Variants in GRID1 observed in about 807,000 individuals in gnomAD.
GRID1 encodes glutamate ionotropic receptor delta type subunit 1, also known as glutamate receptor ionotropic, delta-1.
Under a neutral mutation model 98.0 loss-of-function variants are expected in GRID1, and 28 were observed. That is an observed-to-expected ratio of 0.29 (90% CI 0.21 to 0.39). The LOEUF is 0.39. GRID1 is among the 10% of genes least tolerant of loss of function. GRID1 has a pLI of 1.00. For missense variants in GRID1, 1,111 were observed against 1,340.5 expected (o/e 0.83, Z 2.67); for synonymous variants, 553 against 538.5 (o/e 1.03, Z -0.37).
In GRID1 at chr10:85,975,639, C is replaced by G. The variant is rs1334171387; in HGVS notation, c.727-59400G>C. On this transcript the variant is annotated intron_variant, in intron 4 of 15. Transcript: ENST00000327946. ...AGTGTCCAGTCTATAGTAAGCTACCCCAGAACCCAAACTTTTGGAGACTGA... is the reference window on the plus strand; with the variant it reads ...AGTGTCCAGTCTATAGTAAGCTACCGCAGAACCCAAACTTTTGGAGACTGA... Among the ~76,000 whole-genome samples the G allele has an allele frequency of 2.0e-5, 3 of 152,296 alleles. No individual in the cohort carries two copies. In the East Asian group the frequency reaches 5.8e-4, roughly 29 times the overall value.
intron 5 of GRID1, among the ~76,000 whole-genome samples, chr10:85,875,023 G>A (rs1022662690): frequency 5.9e-5 from 9 of 151,934 alleles, no homozygotes; most frequent in Admixed American, 1.3e-4. Context: ...ATGCCACTAC[G>A]CCTGGCTATT....
chr10:85,678,505 A>C (rs991927918), intron 12 of GRID1, among the ~76,000 whole-genome samples: 2 of 152,192 alleles, frequency 1.3e-5, no homozygotes, highest in African/African-American at 4.8e-5. Flanking sequence ...GATGAGGTCT[A>C]AAACTTGGCT....
chr10:86,061,112 G>A (rs566787191), intron 4 of GRID1, among the ~76,000 whole-genome samples: 9 of 152,210 alleles, frequency 5.9e-5, no homozygotes, highest in Non-Finnish European at 1.2e-4. Context: ...ACCTCCTGGG[G>A]GTACTCTACA....
At chr10:85,720,064 C>A (rs1055783914) in intron 12 of GRID1, among the ~76,000 whole-genome samples, 4 of 152,120 alleles carry the variant, frequency 2.6e-5, no homozygotes, top group Middle Eastern at 3.4e-3. Flanking sequence ...AATAAATAAA[C>A]TTAGCAAAAG....
chr10:85,776,884 G>A lies in GRID1; in HGVS notation c.1234-47270C>T, dbSNP rs546415999. 2.0e-5 allele frequency among the ~76,000 whole-genome samples: 3 copies of A among 152,314 alleles called. No homozygotes were observed. The East Asian group carries it at 5.8e-4, about 29-fold the overall frequency. On this transcript the variant is annotated intron_variant, in intron 8 of 15. Coordinates refer to ENST00000327946, the MANE Select transcript of GRID1 (RefSeq NM_017551.3). ...TAGTCCTTGTGTGGCTTGCTCACTA[G>A]CCAAGCTTTCTGGGGACACAGGGAG...
At chr10:86,134,531 T>C (rs884700) in intron 4 of GRID1, among the ~76,000 whole-genome samples, 46,976 of 151,938 alleles carry the variant, frequency 0.31, 8,870 homozygotes, top group African/African-American at 0.53. Context: ...TAACCTCTAA[T>C]ACCCTGAAAA....
chr10:85,956,574 T>A (rs1842196935), intron 4 of GRID1, among the ~76,000 whole-genome samples: 1 of 152,150 alleles, frequency 6.6e-6, no homozygotes, highest in Admixed American at 6.5e-5. Flanking sequence ...TTGGCCTGGT[T>A]TGGGCTCATG....
chr10:86,194,944 G>A (rs1031349535), intron 3 of GRID1, among the ~76,000 whole-genome samples: 1 of 151,992 alleles, frequency 6.6e-6, no homozygotes, highest in African/African-American at 2.4e-5. Context: ...CTCTCCTCCT[G>A]AGCCCCACCC....
intron 8 of GRID1, among the ~76,000 whole-genome samples, chr10:85,807,490 G>T (rs933369590): frequency 2.6e-5 from 4 of 152,048 alleles, no homozygotes; most frequent in Admixed American, 2.0e-4. Flanking sequence ...AAATCAAAAA[G>T]TTAGAAGTTT....
chr10:86,034,825 A>G (rs768886788), intron 4 of GRID1, among the ~76,000 whole-genome samples: 1 of 151,946 alleles, frequency 6.6e-6, no homozygotes, highest in Non-Finnish European at 1.5e-5. Flanking sequence ...GGATGGACCT[A>G]CTGATGAATG....
intron 3 of GRID1, among the ~76,000 whole-genome samples, chr10:86,149,511 A>G (rs1458455770): frequency 6.6e-6 from 1 of 150,966 alleles, no homozygotes; most frequent in Non-Finnish European, 1.5e-5. Context: ...TAATCCCACC[A>G]CATTCCAATT....
chr10:86,345,736 G>A (rs1023325716), intron 2 of GRID1, among the ~76,000 whole-genome samples: 1 of 152,110 alleles, frequency 6.6e-6, no homozygotes, highest in African/African-American at 2.4e-5. Flanking sequence ...CCCTCCAGTG[G>A]CCCACATCCT....
chr10:85,875,913 G>C (rs1383949278), intron 5 of GRID1, among the ~76,000 whole-genome samples: 1 of 152,046 alleles, frequency 6.6e-6, no homozygotes, highest in Non-Finnish European at 1.5e-5. Context: ...CTTATATCTG[G>C]GGTCATCTTC....
intron 3 of GRID1, among the ~76,000 whole-genome samples, chr10:86,184,210 C>G (rs1202306353): frequency 6.6e-6 from 1 of 151,994 alleles, no homozygotes; most frequent in Non-Finnish European, 1.5e-5. Context: ...GGCTTTTTAT[C>G]CTCTTCACAG....
intron 12 of GRID1, chr10:85,648,193 G>C (rs1159072137): frequency 1.3e-5 from 2 of 152,208 alleles, no homozygotes; most frequent in Admixed American, 1.3e-4. Flanking sequence ...ACATTTGAGG[G>C]GGGATTTCAC....
At chr10:86,015,293 A>G (rs1194746191) in intron 4 of GRID1, among the ~76,000 whole-genome samples, 2 of 152,222 alleles carry the variant, frequency 1.3e-5, no homozygotes, top group Non-Finnish European at 2.9e-5. Context: ...TGTCGTGAAC[A>G]TTTGGCTTTC....
In GRID1 at chr10:85,778,023, T is replaced by C. The variant is rs555544182; in HGVS notation, c.1234-48409A>G. On this transcript the variant is annotated intron_variant, in intron 8 of 15. Transcript: ENST00000327946. Reference sequence around the variant, plus strand: ...TCTTGGGCATCTTGGTGTCAGGTTCTGTTGTCCATGGGATCTGTTGGAAGA... The same window carrying C: ...TCTTGGGCATCTTGGTGTCAGGTTCCGTTGTCCATGGGATCTGTTGGAAGA... Among the ~76,000 whole-genome samples the C allele has an allele frequency of 3.3e-4, 50 of 152,344 alleles. 1 individual carries two copies. The highest frequency in any genetic ancestry group is 1.6e-3 in the Admixed American group (25 of 15,304).
intron 8 of GRID1, among the ~76,000 whole-genome samples, chr10:85,841,532 A>G (rs1842961269): frequency 6.6e-6 from 1 of 152,088 alleles, no homozygotes; most frequent in African/African-American, 2.4e-5. Context: ...GAAACTACCA[A>G]TAGGGTAAAC....
intron 4 of GRID1, among the ~76,000 whole-genome samples, chr10:86,080,430 AG>A (rs1564668697): frequency 1.7e-4 from 2 of 11,488 alleles, no homozygotes; most frequent in African/African-American, 7.5e-4. Context: ...AGGGGAGGGG[AG>A]GGGAGGGGAG....
Sources: gnomAD v4.1 joint callset for allele counts (sites outside exome capture counted in the v4.1 genomes callset) on GRCh38, gnomAD v4.1.1 for gene constraint, MANE v1.5 for transcripts, NCBI Gene and HGNC (gene_info 2026-07-23, HGNC 2026-07-21) for gene names.